The following PCDHGB3 variants were observed in gnomAD, a reference collection of about 807,000 sequenced individuals.
The protein encoded by PCDHGB3 is protocadherin gamma subfamily B, 3, also known as protocadherin gamma-B3.
A neutral mutation model predicts 59.2 loss-of-function variants in PCDHGB3; 40 were observed. The ratio of observed to expected loss-of-function variants is 0.68; its 90% confidence interval spans 0.52 to 0.88. The LOEUF (loss-of-function observed/expected upper bound fraction) is 0.88, where lower values mean the gene tolerates loss of function less well. Among genes scored for constraint, PCDHGB3 ranks in the 40% least tolerant of loss-of-function variants. PCDHGB3 has a pLI of 0.00. For synonymous variants in PCDHGB3, 581 were observed against 503.6 expected (o/e 1.15, Z -2.06); for missense variants, 1,309 against 1,187.9 (o/e 1.10, Z -1.50).
At chr5:141,447,576 A>G (rs758449068) in intron 1 of PCDHGB3, among the ~76,000 whole-genome samples, 6 of 152,214 alleles carry the variant, frequency 3.9e-5, no homozygotes, top group African/African-American at 7.2e-5. Context: ...CTATGTCCAC[A>G]CATACCTTAA....
intron 1 of PCDHGB3, chr5:141,410,592 T>C: frequency 1.2e-6 from 2 of 1,609,264 alleles, no homozygotes; most frequent in Non-Finnish European, 1.7e-6. Context: ...GGGGAGGATT[T>C]GACTTCACAT....
intron 1 of PCDHGB3, among the ~76,000 whole-genome samples, chr5:141,479,979 T>C (rs67253891): frequency 0.061 from 9,352 of 152,266 alleles, 334 homozygotes; most frequent in South Asian, 0.12. Context: ...GTTCTACCAT[T>C]TACCAACTAG....
At chr5:141,383,396 C>G (rs749879106) in intron 1 of PCDHGB3, 3 of 1,614,028 alleles carry the variant, frequency 1.9e-6, no homozygotes, top group Non-Finnish European at 2.5e-6. Context: ...GGCACGAACT[C>G]CCTCCAGAGT....
intron 1 of PCDHGB3, chr5:141,411,955 A>C (rs1427605209): frequency 6.6e-5 from 10 of 152,244 alleles, no homozygotes; most frequent in African/African-American, 1.2e-4. Context: ...TTTGAAGAAA[A>C]AAGATAAAAT....
Position 141,477,443 on chromosome 5 carries a change from G to C in PCDHGB3, c.2416-17364G>C. The C allele has an allele frequency of 6.2e-7, 1 of 1,614,136 alleles. No individual in the cohort carries two copies. Among genetic ancestry groups the C allele is most frequent in the Non-Finnish European group, 8.5e-7 (1 of 1,180,024 alleles). ...CCCTTCCCTCTCAGCCCTTACAATA[G>C]TGCGTGTTCAAGTGTCCGACATCAA... On this transcript the variant is annotated intron_variant, in intron 1 of 3. Coordinates refer to ENST00000576222, the MANE Select transcript of PCDHGB3 (RefSeq NM_018924.5). This position sits in a 1 kb window ranked among gnomAD's most constrained non-coding sequence, Gnocchi z 4.9.
At chr5:141,498,073 T>C (rs1474889879) in intron 2 of PCDHGB3, among the ~76,000 whole-genome samples, 1 of 152,214 alleles carries the variant, frequency 6.6e-6, no homozygotes, top group Non-Finnish European at 1.5e-5. Context: ...CTGTCATAAG[T>C]GCTAGGTAGA....
intron 1 of PCDHGB3, among the ~76,000 whole-genome samples, chr5:141,460,612 T>C (rs1215147315): frequency 6.6e-6 from 1 of 152,128 alleles, no homozygotes; most frequent in African/African-American, 2.4e-5. Flanking sequence ...GTTAGATGGA[T>C]AGATAGACAG....
intron 1 of PCDHGB3, chr5:141,389,358 A>G: frequency 6.2e-7 from 1 of 1,613,908 alleles, no homozygotes; most frequent in Non-Finnish European, 8.5e-7. Flanking sequence ...CATCATGGCC[A>G]GTGACCTGGA....
At chr5:141,393,989 T>G in intron 1 of PCDHGB3, 1 of 1,613,634 alleles carries the variant, frequency 6.2e-7, no homozygotes, top group Non-Finnish European at 8.5e-7. Flanking sequence ...ATTTACCTTT[T>G]AAATTAGAAA....
At chr5:141,383,843 A>G in intron 1 of PCDHGB3, 4 of 1,613,970 alleles carry the variant, frequency 2.5e-6, no homozygotes, top group Non-Finnish European at 2.5e-6. Flanking sequence ...ACTGCCTTCT[A>G]TGAAATGGAG....
At chr5:141,394,754 G>T (rs753264235) in intron 1 of PCDHGB3, 2 of 1,613,428 alleles carry the variant, frequency 1.2e-6, no homozygotes, top group Non-Finnish European at 1.7e-6. Context: ...TGGCCGTCCA[G>T]GACCATGGCC....
At chr5:141,383,567 C>T in intron 1 of PCDHGB3, 1 of 1,613,214 alleles carries the variant, frequency 6.2e-7, no homozygotes, top group Non-Finnish European at 8.5e-7. Context: ...CCGCCCCGAT[C>T]CAGCACCGCC....
chr5:141,444,152 A>ATTTTTTTTT (rs747671382), intron 1 of PCDHGB3, among the ~76,000 whole-genome samples: 2 of 33,898 alleles, frequency 5.9e-5, no homozygotes, highest in Non-Finnish European at 5.2e-5. Context: ...TGTGTACTGG[A>ATTTTTTTTT]TTTTTTTTTT....
At chr5:141,422,374 G>A (rs1268014814) in intron 1 of PCDHGB3, 1 of 1,570,452 alleles carries the variant, frequency 6.4e-7, no homozygotes, top group Non-Finnish European at 8.6e-7. Flanking sequence ...AAATGGTCAA[G>A]TCTCCTGTTT....
chr5:141,372,537 C>A lies in PCDHGB3; in HGVS notation c.2143C>A (p.Leu715Met), dbSNP rs138338803. 3.0e-3 allele frequency: 4,858 copies of A among 1,614,046 alleles called. 5 individuals carry two copies. The highest frequency in any genetic ancestry group is 4.8e-3 in the Admixed American group (290 of 60,038). The change falls in exon 1 of 4, where the codon CTG becomes ATG. Residue 715 changes from leucine to methionine, a missense_variant. Leu to Met is a conservative substitution (Grantham distance 15). Coordinates refer to ENST00000576222, the MANE Select transcript of PCDHGB3 (RefSeq NM_018924.5). The part of the protein sequence containing the change: ...LAVILAISLR[L>M]RCSSRPATEG... The stretch of plus-strand genomic sequence containing the variant: ...GGTGATTCTGGCAATCTCCCTGCGC[C>A]TGCGATGCTCCTCCAGACCCGCCAC...
chr5:141,373,347 G>A (rs1769499263), intron 1 of PCDHGB3, among the ~76,000 whole-genome samples: 1 of 152,178 alleles, frequency 6.6e-6, no homozygotes. Context: ...GGCAACTCTT[G>A]TAATGGGCAC....
intron 1 of PCDHGB3, chr5:141,374,587 G>A: frequency 1.2e-6 from 2 of 1,613,722 alleles, no homozygotes; most frequent in Non-Finnish European, 1.7e-6. Context: ...ACTCCCTTCA[G>A]GGATTTAAGC....
At chr5:141,380,859 A>G (rs1428223236) in intron 1 of PCDHGB3, among the ~76,000 whole-genome samples, 1 of 152,262 alleles carries the variant, frequency 6.6e-6, no homozygotes, top group Non-Finnish European at 1.5e-5. Context: ...AGACATTGAG[A>G]GCTATAACCT....
chr5:141,389,602 T>G, intron 1 of PCDHGB3: 2 of 1,613,170 alleles, frequency 1.2e-6, no homozygotes, highest in African/African-American at 2.7e-5. Flanking sequence ...TCTGCGCTCT[T>G]CGATATGGTG....
Sources: gnomAD v4.1 joint callset for allele counts (sites outside exome capture counted in the v4.1 genomes callset) on GRCh38, gnomAD v4.1.1 for gene constraint, Gnocchi (gnomAD v3.1) non-coding constraint, MANE v1.5 for transcripts, NCBI Gene and HGNC (gene_info 2026-07-23, HGNC 2026-07-21) for gene names.